The following PKN2 variants were observed in gnomAD, a reference collection of about 807,000 sequenced individuals.
PKN2 encodes the protein serine/threonine-protein kinase N2.
Under a neutral mutation model 119.1 loss-of-function variants are expected in PKN2, and 38 were observed. The observed-to-expected ratio is 0.32, with a 90% CI of 0.25 to 0.42. The LOEUF (loss-of-function observed/expected upper bound fraction) is 0.42, where lower values mean the gene tolerates loss of function less well. Among genes scored for constraint, PKN2 ranks in the 10% least tolerant of loss-of-function variants. The probability of loss-of-function intolerance (pLI) is 1.00; values close to 1 mark genes in which losing one functional copy is unlikely to be tolerated. For missense variants in PKN2, 850 were observed against 1,165.1 expected (o/e 0.73, Z 3.94); for synonymous variants, 390 against 384.9 (o/e 1.01, Z -0.15).
intron 1 of PKN2, among the ~76,000 whole-genome samples, chr1:88,705,456 A>T (rs917182916): frequency 6.6e-6 from 1 of 152,018 alleles, no homozygotes; most frequent in East Asian, 1.9e-4. Context: ...GCACTCTGGG[A>T]GGCCGAGGCA....
chr1:88,701,426 A>G (rs189536731), intron 1 of PKN2, among the ~76,000 whole-genome samples: 18 of 152,360 alleles, frequency 1.2e-4, no homozygotes, highest in Non-Finnish European at 2.5e-4. Context: ...AGTTAAAATA[A>G]TTGTATACAG....
At chr1:88,788,544 C>T (rs1487755687) in intron 8 of PKN2, among the ~76,000 whole-genome samples, 5 of 151,844 alleles carry the variant, frequency 3.3e-5, no homozygotes, top group Admixed American at 2.6e-4. Flanking sequence ...CTCCCAGGTT[C>T]GAGTGATTCT....
chr1:88,814,999 G>A lies in PKN2; in HGVS notation c.2279+1266G>A, dbSNP rs565093686. On this transcript the variant is annotated intron_variant, in intron 16 of 21. Coordinates refer to ENST00000370521, the MANE Select transcript of PKN2 (RefSeq NM_006256.4). ...CATCAAGTTTCAGATGAGGGACATAGGGGTTAATTCTAATGGGTACTGAAG... is the reference window on the plus strand; with the variant it reads ...CATCAAGTTTCAGATGAGGGACATAAGGGTTAATTCTAATGGGTACTGAAG... 4.1e-4 allele frequency among the ~76,000 whole-genome samples: 63 copies of A among 152,310 alleles called. 1 individual carries two copies. Among genetic ancestry groups the A allele is most frequent in the African/African-American group, 1.4e-3 (59 of 41,582 alleles).
At chr1:88,751,352 T>C (rs1403351362) in intron 2 of PKN2, among the ~76,000 whole-genome samples, 1 of 151,240 alleles carries the variant, frequency 6.6e-6, no homozygotes, top group Non-Finnish European at 1.5e-5. Flanking sequence ...CCCTTTTATA[T>C]ATACATACAT....
At chr1:88,826,871 G>A (rs979951820) in intron 18 of PKN2, among the ~76,000 whole-genome samples, 3 of 152,082 alleles carry the variant, frequency 2.0e-5, no homozygotes, top group African/African-American at 4.8e-5. Context: ...AAAGGCTGGT[G>A]CAGAACTTAC....
intron 10 of PKN2, 103 bp downstream of exon 10, chr1:88,805,024 T>G: frequency 1.7e-6 from 1 of 587,038 alleles, no homozygotes. Context: ...TTTGTTGTTG[T>G]TTATTCATTT....
At chr1:88,727,175 C>CT (rs1221536358) in intron 1 of PKN2, among the ~76,000 whole-genome samples, 1,816 of 137,666 alleles carry the variant, frequency 0.013, 14 homozygotes, top group African/African-American at 0.018. Flanking sequence ...TAATGACGCT[C>CT]TTTTTTTTTT....
chr1:88,684,701 C>T, intron 1 of PKN2, 73 bp downstream of exon 1: 8 of 1,323,942 alleles, frequency 6.0e-6, no homozygotes, highest in Non-Finnish European at 8.0e-6. Context: ...CGTCGGGGAC[C>T]GAGGAAAGCC....
At chr1:88,832,665 C>G in intron 19 of PKN2, 79 bp from the exon 20 acceptor site, 1 of 701,350 alleles carries the variant, frequency 1.4e-6, no homozygotes, top group Non-Finnish European at 2.5e-6. Context: ...CTGCCTGGAT[C>G]TTGGTTGTAC....
At chr1:88,688,247 G>C (rs923271524) in intron 1 of PKN2, among the ~76,000 whole-genome samples, 1 of 151,962 alleles carries the variant, frequency 6.6e-6, no homozygotes, top group Non-Finnish European at 1.5e-5. Context: ...CACCACACCC[G>C]GCTAATTTTT....
intron 1 of PKN2, among the ~76,000 whole-genome samples, chr1:88,717,141 G>C (rs555398871): frequency 2.8e-4 from 42 of 152,290 alleles, no homozygotes; most frequent in African/African-American, 9.9e-4. Context: ...CTTCTGGCTT[G>C]TAGAGTTTCT....
chr1:88,728,916 A>G (rs984757698), intron 1 of PKN2, among the ~76,000 whole-genome samples: 11 of 128,636 alleles, frequency 8.6e-5, no homozygotes, highest in African/African-American at 2.8e-4. Context: ...TTTTTTTTAG[A>G]TGGAGTTTCG....
At chr1:88,701,734 C>G (rs186459815) in intron 1 of PKN2, among the ~76,000 whole-genome samples, 22 of 152,120 alleles carry the variant, frequency 1.4e-4, no homozygotes, top group Admixed American at 1.3e-3. Context: ...TCAATAAATC[C>G]GAGTTTCCAT....
Position 88,684,689 on chromosome 1 carries a change from G to A in PKN2, c.48+61G>A, listed in dbSNP as rs1007122646. On this transcript the variant is annotated intron_variant, in intron 1 of 21. Coordinates refer to ENST00000370521, the MANE Select transcript of PKN2 (RefSeq NM_006256.4). ...AGGAGACAGGGAGAGAGCCCCGCGCGGCGTCGGGGACCGAGGAAAGCCCTG... is the reference window on the plus strand; with the variant it reads ...AGGAGACAGGGAGAGAGCCCCGCGCAGCGTCGGGGACCGAGGAAAGCCCTG... 5 of 1,405,906 alleles carry A rather than the reference G, an allele frequency of 3.6e-6. No homozygotes were observed. The Admixed American group carries it at 9.0e-5, about 25-fold the overall frequency. 87.1% of individuals were successfully genotyped at this position (1,405,906 alleles called of 1,614,324 possible).
At chr1:88,776,677 T>C (rs990946112) in intron 6 of PKN2, among the ~76,000 whole-genome samples, 1 of 151,728 alleles carries the variant, frequency 6.6e-6, no homozygotes, top group East Asian at 2.0e-4. Flanking sequence ...GAGGCGGAGG[T>C]TGCAGTGAGC....
At chr1:88,824,647 G>A (rs1353956146) in intron 18 of PKN2, among the ~76,000 whole-genome samples, 1 of 152,148 alleles carries the variant, frequency 6.6e-6, no homozygotes, top group Non-Finnish European at 1.5e-5. Flanking sequence ...ACTACTTTAA[G>A]GAAGTATTGA....
At chr1:88,815,125 G>A (rs1671932903) in intron 16 of PKN2, among the ~76,000 whole-genome samples, 1 of 152,184 alleles carries the variant, frequency 6.6e-6, no homozygotes, top group Admixed American at 6.5e-5. Flanking sequence ...CTAACCTTAT[G>A]CTGCCATGGG....
intron 2 of PKN2, among the ~76,000 whole-genome samples, chr1:88,745,664 C>T (rs1316876979): frequency 6.6e-6 from 1 of 152,002 alleles, no homozygotes; most frequent in African/African-American, 2.4e-5. Flanking sequence ...TCCATACTAC[C>T]CAATGTGATC....
At position 88,740,984 on chromosome 1, in the gene PKN2, G is replaced by A; in HGVS notation, c.49-4G>A. 2 of 1,548,688 alleles carry A rather than the reference G, an allele frequency of 1.3e-6. No individual in the cohort carries two copies. The highest frequency in any genetic ancestry group is 1.7e-6 in the Non-Finnish European group (2 of 1,153,882). ...CCACATTTGTATGTTTATTTTTTCT[G>A]TAGGGGGATTCCCGAAGTCTTCCGT... On this transcript the variant is annotated splice_polypyrimidine_tract_variant and splice_region_variant and intron_variant, in intron 1 of 21. Transcript: ENST00000370521.
Sources: allele counts gnomAD v4.1 joint callset (sites outside exome capture counted in the v4.1 genomes callset), GRCh38; gene constraint gnomAD v4.1.1; transcripts MANE v1.5; gene names NCBI Gene and HGNC (gene_info 2026-07-23, HGNC 2026-07-21).